NUP153: variants seen among roughly 807,000 people sequenced by gnomAD.
NUP153 encodes the protein nucleoporin 153.
In NUP153, 27 loss-of-function variants were observed where a neutral mutation model predicts 134.6. The observed-to-expected ratio is 0.20, with a 90% CI of 0.15 to 0.28. The LOEUF (loss-of-function observed/expected upper bound fraction) is 0.28. Ranked by LOEUF, NUP153 falls within the 10% of genes least tolerant of loss-of-function variation. The pLI, the probability that NUP153 is intolerant of heterozygous loss-of-function variation, is 1.00. For missense variants in NUP153, 1,821 were observed against 1,731.3 expected, an observed-to-expected ratio of 1.05 and a Z score of -0.92; for synonymous variants, 640 against 623.5, an observed-to-expected ratio of 1.03 and a Z score of -0.40.
intron 8 of NUP153, among the ~76,000 whole-genome samples, chr6:17,668,242 A>ATT (rs532695927): frequency 2.7e-5 from 4 of 150,060 alleles, no homozygotes; most frequent in African/African-American, 7.3e-5. Flanking sequence ...CACCTGGCTA[A>ATT]TTTTTTTTTG....
chr6:17,651,093 G>T (rs1186453262), intron 11 of NUP153, among the ~76,000 whole-genome samples: 6 of 152,162 alleles, frequency 3.9e-5, no homozygotes, highest in Non-Finnish European at 8.8e-5. Context: ...GAGGCCAAGA[G>T]TTCGAGACCA....
intron 18 of NUP153, among the ~76,000 whole-genome samples, chr6:17,626,712 C>A (rs924767127): frequency 2.6e-5 from 4 of 152,132 alleles, no homozygotes; most frequent in Non-Finnish European, 5.9e-5. Flanking sequence ...TAACTTTATA[C>A]CATGGACTGA....
chr6:17,637,819 C>T (rs1765638447), intron 15 of NUP153, 49 bp from the exon 16 acceptor site: 1 of 1,528,692 alleles, frequency 6.5e-7, no homozygotes, highest in Non-Finnish European at 8.7e-7. Context: ...CTTTATAAAT[C>T]AAAGCATTAA....
At chr6:17,616,290 G>GCCC in intron 21 of NUP153, 109 bp from the exon 22 acceptor site, 3 of 473,892 alleles carry the variant, frequency 6.3e-6, no homozygotes, top group East Asian at 4.5e-5. Flanking sequence ...GGTGGGGGGG[G>GCCC]AGTAGACTCA....
At chr6:17,646,918 CTT>C (rs376244443) in intron 13 of NUP153, among the ~76,000 whole-genome samples, 10 of 131,082 alleles carry the variant, frequency 7.6e-5, no homozygotes, top group Admixed American at 7.8e-5. Context: ...TCTGTATTTT[CTT>C]TTTTTTTTTT....
chr6:17,681,566 A>G (rs1163991470), intron 2 of NUP153, among the ~76,000 whole-genome samples: 1 of 152,180 alleles, frequency 6.6e-6, no homozygotes, highest in Non-Finnish European at 1.5e-5. Flanking sequence ...TGGGCGACAG[A>G]GCCAAGAACC....
rs1764329777 is a variant in NUP153, at chr6:17,616,425, A to G, written c.4343+102T>C. On this transcript the variant is annotated intron_variant, in intron 21 of 21. Transcript: ENST00000262077. Reference sequence around the variant, plus strand: ...TATGTTGGAGAACATATTTAATTTTACCCAAACCATACGGAATCTTGATGA... The same window carrying G: ...TATGTTGGAGAACATATTTAATTTTGCCCAAACCATACGGAATCTTGATGA... The G allele has an allele frequency of 1.1e-5, 12 of 1,047,782 alleles. No individual in the cohort carries two copies. In the South Asian group the frequency reaches 1.7e-4, roughly 15 times the overall value. 64.9% of individuals were successfully genotyped at this position (1,047,782 alleles called of 1,614,324 possible).
intron 14 of NUP153, 109 bp from the exon 15 acceptor site, chr6:17,640,173 C>A: frequency 1.1e-6 from 1 of 878,290 alleles, no homozygotes; most frequent in Non-Finnish European, 1.6e-6. Flanking sequence ...TCTAAAAGTT[C>A]ATGAAAAAAG....
chr6:17,617,125 CT>C (rs1764375293), intron 20 of NUP153, among the ~76,000 whole-genome samples: 1 of 152,184 alleles, frequency 6.6e-6, no homozygotes, highest in Non-Finnish European at 1.5e-5. Flanking sequence ...ATATTCTGGT[CT>C]TTTAATCTAA....
At chr6:17,685,224 A>G (rs1246003771) in intron 2 of NUP153, among the ~76,000 whole-genome samples, 1 of 151,334 alleles carries the variant, frequency 6.6e-6, no homozygotes, top group African/African-American at 2.4e-5. Context: ...CACTACTTCA[A>G]CAGCAGATAT....
At chr6:17,617,573 T>G (rs980850388) in intron 20 of NUP153, among the ~76,000 whole-genome samples, 1 of 151,710 alleles carries the variant, frequency 6.6e-6, no homozygotes, top group African/African-American at 2.4e-5. Flanking sequence ...GTGGGTGCAG[T>G]GACTCATGCG....
At chr6:17,653,461 T>C (rs1022244147) in intron 11 of NUP153, among the ~76,000 whole-genome samples, 1 of 152,208 alleles carries the variant, frequency 6.6e-6, no homozygotes, top group African/African-American at 2.4e-5. Context: ...GTTCATACAC[T>C]GCTAAGAGGG....
chr6:17,666,272 T>C (rs949847564), intron 8 of NUP153, among the ~76,000 whole-genome samples: 2 of 152,104 alleles, frequency 1.3e-5, no homozygotes, highest in African/African-American at 2.4e-5. Context: ...ATCCCAGCAA[T>C]GTGGGAGGCC....
chr6:17,647,738 T>TA, intron 13 of NUP153, 69 bp downstream of exon 13: 1 of 1,017,068 alleles, frequency 9.8e-7, no homozygotes, highest in Admixed American at 2.0e-5. Context: ...AGTGGCATCT[T>TA]AGATTTGATA....
Position 17,665,439 on chromosome 6 carries a change from A to G in NUP153, c.1069-54T>C, listed in dbSNP as rs1767474587. ...TTATTTTCATATAAATCAATGATTC[A>G]TATCTAAATTTTGACAATAGCTAAC... is the stretch of plus-strand genomic sequence containing the variant. On this transcript the variant is annotated intron_variant, in intron 8 of 21. Transcript: ENST00000262077. 3.4e-6 allele frequency: 5 copies of G among 1,462,592 alleles called. No homozygotes were observed. The East Asian group carries it at 9.1e-5, about 27-fold the overall frequency. The allele number at this position is 1,462,592 out of a possible 1,614,324, so 90.6% of individuals were successfully genotyped here.
chr6:17,631,766 A>C (rs1248533638), intron 17 of NUP153, among the ~76,000 whole-genome samples: 1 of 151,878 alleles, frequency 6.6e-6, no homozygotes. Flanking sequence ...GGAGATTGAG[A>C]CCATCCTGGC....
intron 8 of NUP153, among the ~76,000 whole-genome samples, chr6:17,665,886 G>A (rs756386059): frequency 1.1e-4 from 16 of 151,348 alleles, no homozygotes; most frequent in Non-Finnish European, 2.1e-4. Flanking sequence ...ACAGGGTCTC[G>A]CCATGTTGCT....
intron 5 of NUP153, among the ~76,000 whole-genome samples, chr6:17,670,045 G>A (rs139560129): frequency 7.0e-6 from 1 of 141,870 alleles, no homozygotes; most frequent in Admixed American, 7.5e-5. Flanking sequence ...GTGGTGAGCC[G>A]AGACTGCACC....
Position 17,694,427 on chromosome 6 carries a change from C to A in NUP153, c.112-5809G>T, listed in dbSNP as rs148414349. Among the ~76,000 whole-genome samples, 357 of 152,158 alleles carry A rather than the reference C, an allele frequency of 2.3e-3. 7 individuals are homozygous for A. In the East Asian group the frequency reaches 0.024, roughly 10 times the overall value. On this transcript the variant is annotated intron_variant, in intron 1 of 21. Transcript: ENST00000262077. Reference sequence around the variant, plus strand: ...TAATCCCAGCACTTCCGGAGGCCGACGCGGGCGGATTACCTGAGGTCAAGA... The same window carrying A: ...TAATCCCAGCACTTCCGGAGGCCGAAGCGGGCGGATTACCTGAGGTCAAGA...
Sources: allele counts gnomAD v4.1 joint callset (sites outside exome capture counted in the v4.1 genomes callset), GRCh38; gene constraint gnomAD v4.1.1; transcripts MANE v1.5; gene names NCBI Gene and HGNC (gene_info 2026-07-23, HGNC 2026-07-21).